Variants in PHACTR2 observed in about 807,000 individuals in gnomAD.
PHACTR2 encodes chromosome 6 open reading frame 56.
In PHACTR2, 30 loss-of-function variants were observed where a neutral mutation model predicts 76.0. The observed-to-expected ratio is 0.39, with a 90% confidence interval of 0.30 to 0.54. The LOEUF is 0.54. PHACTR2 is among the 20% of genes least tolerant of loss of function. The pLI is 0.61. For missense variants in PHACTR2, 696 were observed against 781.1 expected (o/e 0.89, Z 1.30); for synonymous variants, 292 against 292.5 (o/e 1.00, Z 0.02).
At chr6:143,669,684 A>G (rs570595584) in intron 1 of PHACTR2, among the ~76,000 whole-genome samples, 1 of 150,606 alleles carries the variant, frequency 6.6e-6, no homozygotes, top group Non-Finnish European at 1.5e-5. Flanking sequence ...ATCAGAGACT[A>G]GGATTGCAAC....
chr6:143,735,641 G>C (rs956340348), intron 2 of PHACTR2, among the ~76,000 whole-genome samples: 6 of 145,664 alleles, frequency 4.1e-5, no homozygotes, highest in African/African-American at 1.5e-4. Context: ...AAAAACTTCA[G>C]ATGAATCAAA....
Position 143,610,362 on chromosome 6 carries a change from G to T in PHACTR2, c.13+2040G>T, listed in dbSNP as rs923659697. ...AATTTAATTTAAAGAAGATAATGAT[G>T]TTGAGTATTTGCCTAAATTTTTCTA... On this transcript the variant is annotated intron_variant, in intron 1 of 11. Transcript: ENST00000305766. This position sits in a 1 kb window ranked among gnomAD's most constrained non-coding sequence, Gnocchi z 4.9. 1.3e-5 allele frequency among the ~76,000 whole-genome samples: 2 copies of T among 152,170 alleles called. No homozygotes were observed. Among genetic ancestry groups the T allele is most frequent in the Non-Finnish European group, 2.9e-5 (2 of 68,028 alleles).
chr6:143,732,985 C>A (rs759115094), intron 2 of PHACTR2, among the ~76,000 whole-genome samples: 6 of 152,050 alleles, frequency 3.9e-5, no homozygotes, highest in African/African-American at 1.4e-4. Context: ...AACTCCTGGG[C>A]TCAAAGCAAT....
chr6:143,676,536 C>T (rs1777250557), upstream of PHACTR2, among the ~76,000 whole-genome samples: 1 of 152,206 alleles, frequency 6.6e-6, no homozygotes, highest in South Asian at 2.1e-4. This position sits in a 1 kb window ranked among gnomAD's most constrained non-coding sequence, Gnocchi z 4.8. Flanking sequence ...TTACCTTTAA[C>T]CACTTTTGTT....
chr6:143,798,325 A>G (rs1374142379), intron 11 of PHACTR2, among the ~76,000 whole-genome samples: 1 of 152,232 alleles, frequency 6.6e-6, no homozygotes, highest in Admixed American at 6.5e-5. Context: ...TTCCAAATAT[A>G]CAGTCATGTC....
At chr6:143,559,735 A>T (rs2128429112) in intron 1 of PHACTR2, among the ~76,000 whole-genome samples, 1 of 19,530 alleles carries the variant, frequency 5.1e-5, no homozygotes, top group African/African-American at 2.1e-4. Flanking sequence ...TTGGAGACAG[A>T]GTTTTGCTCT....
intron 1 of PHACTR2, among the ~76,000 whole-genome samples, chr6:143,631,584 T>C (rs1343101900): frequency 6.6e-6 from 1 of 152,110 alleles, no homozygotes; most frequent in Non-Finnish European, 1.5e-5. Context: ...TTGTATTAAA[T>C]TGAATGGAAG....
rs1396896070 is a variant in PHACTR2 at position 143,777,575 on chromosome 6, T to C, written c.1645+192T>C. Among the ~76,000 whole-genome samples, 1 of 152,218 alleles carries C rather than the reference T, an allele frequency of 6.6e-6. No homozygotes were observed. The highest frequency in any genetic ancestry group is 1.5e-5 in the Non-Finnish European group (1 of 68,048). ...ATTTCTTGAATTTGATATTTGATTT[T>C]ATGGCTTTGAGCCTTATACCCGCCC... is the stretch of plus-strand genomic sequence containing the variant. On this transcript the variant is annotated intron_variant, in intron 9 of 12. Transcript: ENST00000440869. The surrounding 1 kb of genome is among the most constrained non-coding windows in gnomAD (Gnocchi z 4.6).
intron 1 of PHACTR2, among the ~76,000 whole-genome samples, chr6:143,544,801 T>C (rs1366846350): frequency 6.6e-6 from 1 of 152,226 alleles, no homozygotes; most frequent in Admixed American, 6.5e-5. Flanking sequence ...GTAGAATTAA[T>C]GCATGAATTA....
rs1216055264 is a variant in PHACTR2, at chr6:143,683,335, G to C, written c.46+5126G>C. ...TTTAAACCAATGATTATATGAATGA[G>C]AGGTATGTATTTTTTATATTCTTTT... On this transcript the variant is annotated intron_variant, in intron 1 of 12. Transcript: ENST00000440869. The surrounding 1 kb of genome is among the most constrained non-coding windows in gnomAD (Gnocchi z 4.1). 6.6e-6 allele frequency among the ~76,000 whole-genome samples: 1 copy of C among 152,212 alleles called. No individual in the cohort carries two copies. The highest frequency in any genetic ancestry group is 1.5e-5 in the Non-Finnish European group (1 of 68,034).
intron 1 of PHACTR2, among the ~76,000 whole-genome samples, chr6:143,566,643 G>A (rs1267920645): frequency 6.6e-6 from 1 of 151,994 alleles, no homozygotes; most frequent in Non-Finnish European, 1.5e-5. Context: ...AAAGTAGGTA[G>A]AATAGTCTAA....
At chr6:143,724,397 G>A (rs9373400) in intron 2 of PHACTR2, among the ~76,000 whole-genome samples, 74,417 of 152,040 alleles carry the variant, frequency 0.49, 18,476 homozygotes, top group Middle Eastern at 0.58. Context: ...CTCCCAAAGT[G>A]CTGGGATTAC....
intron 11 of PHACTR2, among the ~76,000 whole-genome samples, chr6:143,804,997 A>G (rs1267672348): frequency 2.0e-5 from 3 of 152,186 alleles, no homozygotes. Context: ...TCCAGATAAG[A>G]AAATTGGGGT....
At chr6:143,745,189 G>A (rs1779029650) in intron 2 of PHACTR2, among the ~76,000 whole-genome samples, 1 of 152,170 alleles carries the variant, frequency 6.6e-6, no homozygotes, top group African/African-American at 2.4e-5. Flanking sequence ...AGAGCAGCTG[G>A]TGGGATACTT....
rs1281685758 is a variant in PHACTR2 at position 143,581,552 on chromosome 6, G to A, written c.217+44345G>A. Among the ~76,000 whole-genome samples the A allele has an allele frequency of 1.3e-5, 2 of 152,164 alleles. No individual in the cohort carries two copies. The highest frequency in any genetic ancestry group is 2.1e-4 in the South Asian group (1 of 4,828). On this transcript the variant is annotated intron_variant, in intron 1 of 11. Transcript: ENST00000367584. The surrounding 1 kb of genome is among the most constrained non-coding windows in gnomAD (Gnocchi z 4.5). ...TTTCCACTGAAACAGGAGGAATGGC[G>A]GGAAGGATGAATGGATATGTGTATT...
Position 143,583,978 on chromosome 6 carries a change from T to C in PHACTR2, c.217+46771T>C, listed in dbSNP as rs1429676021. 2.0e-5 allele frequency among the ~76,000 whole-genome samples: 3 copies of C among 152,250 alleles called. No individual in the cohort carries two copies. The highest frequency in any genetic ancestry group is 1.5e-5 in the Non-Finnish European group (1 of 68,042). ...CAGGATATTCATAATAAAAGTTTGA[T>C]AAAACAATGGATTTACAAATGGTGG... On this transcript the variant is annotated intron_variant, in intron 1 of 11. Coordinates refer to the PHACTR2 transcript ENST00000367584. This position sits in a 1 kb window ranked among gnomAD's most constrained non-coding sequence, Gnocchi z 4.0.
At chr6:143,692,328 G>A (rs2128456362) in intron 1 of PHACTR2, among the ~76,000 whole-genome samples, 1 of 152,288 alleles carries the variant, frequency 6.6e-6, no homozygotes, top group South Asian at 2.1e-4. Flanking sequence ...CTGCCAACCT[G>A]TTTATGAAAG....
At position 143,585,053 on chromosome 6, in the gene PHACTR2, T is replaced by C. The variant is rs1051209221; in HGVS notation, c.217+47846T>C. ...GGCTTGGCTGTCATAACTCAAGTTG[T>C]TGGGGGACACATGACTATTTAAGCA... On this transcript the variant is annotated intron_variant, in intron 1 of 11. Coordinates refer to the PHACTR2 transcript ENST00000367584. This position sits in a 1 kb window ranked among gnomAD's most constrained non-coding sequence, Gnocchi z 5.2. 1.3e-5 allele frequency among the ~76,000 whole-genome samples: 2 copies of C among 150,862 alleles called. No homozygotes were observed. The highest frequency in any genetic ancestry group is 4.9e-5 in the African/African-American group (2 of 41,002).
chr6:143,655,921 G>T (rs538517923), intron 1 of PHACTR2, among the ~76,000 whole-genome samples: 1 of 152,192 alleles, frequency 6.6e-6, no homozygotes, highest in Non-Finnish European at 1.5e-5. Context: ...AGAAAAAGAA[G>T]AAAACAGACG....
Sources: allele counts gnomAD v4.1 joint callset (sites outside exome capture counted in the v4.1 genomes callset), GRCh38; gene constraint gnomAD v4.1.1; non-coding constraint Gnocchi (gnomAD v3.1); transcripts MANE v1.5; gene names NCBI Gene and HGNC (gene_info 2026-07-23, HGNC 2026-07-21).